Variants in NELL1 observed in about 807,000 individuals in gnomAD.
The protein encoded by NELL1 is protein kinase C-binding protein NELL1.
NELL1 carries 76 observed loss-of-function variants against 107.4 expected under a neutral mutation model. The observed-to-expected ratio is 0.71, with a 90% CI of 0.59 to 0.86. NELL1 has a LOEUF of 0.86. Among genes scored for constraint, NELL1 ranks in the 40% least tolerant of loss-of-function variants. The pLI, the probability that NELL1 is intolerant of heterozygous loss-of-function variation, is 0.00. For synonymous variants in NELL1, 353 were observed against 341.2 expected, an observed-to-expected ratio of 1.03 and a Z score of -0.38; for missense variants, 1,024 against 1,005.5, an observed-to-expected ratio of 1.02 and a Z score of -0.25.
At chr11:20,857,150 A>G (rs796529490) in intron 4 of NELL1, among the ~76,000 whole-genome samples, 3 of 152,294 alleles carry the variant, frequency 2.0e-5, no homozygotes, top group African/African-American at 7.2e-5. Context: ...TTGGCCGTAT[A>G]AGGGAGAGCC....
Position 20,950,230 on chromosome 11 carries a change from C to G in NELL1, c.1171+2795C>G, listed in dbSNP as rs114485358. Among the ~76,000 whole-genome samples the G allele has an allele frequency of 4.2e-3, 632 of 152,278 alleles. 6 individuals are homozygous for G. The highest frequency in any genetic ancestry group is 0.014 in the African/African-American group (587 of 41,562). The stretch of plus-strand genomic sequence containing the variant: ...GCAGAGAGAATCCCAGAACATCCAG[C>G]CCACTTGTCCACATGCTAGGGCCTG... On this transcript the variant is annotated intron_variant, in intron 11 of 19. Coordinates refer to ENST00000357134, the MANE Select transcript of NELL1 (RefSeq NM_006157.5).
rs148500701 is a variant in NELL1, at chr11:20,890,609, C to A, written c.603+5069C>A. Among the ~76,000 whole-genome samples, 396 of 152,080 alleles carry A rather than the reference C, an allele frequency of 2.6e-3. 5 individuals are homozygous for A. The highest frequency in any genetic ancestry group is 9.0e-3 in the African/African-American group (375 of 41,476). ...AACCCAATGCAAGGAAGCTAAGAAC[C>A]TTGATAAGAGGTTAAAGGAATTGCT... On this transcript the variant is annotated intron_variant, in intron 5 of 19. Transcript: ENST00000357134.
Position 21,534,377 on chromosome 11 carries a change from T to C in NELL1, c.1649T>C (p.Ile550Thr). Residue 550 changes from isoleucine to threonine, a missense_variant, in exon 16 of 20, where the codon ATT (isoleucine) becomes ACT (threonine). Coordinates refer to ENST00000357134, the MANE Select transcript of NELL1 (RefSeq NM_006157.5). ...GFTGSHCEKD[I>T]DECSEGIIEC... ...CTTGTGTTTTTCTCTGAGGCAGATA[T>C]TGATGAATGTTCAGAGGGAATCATT... The C allele has an allele frequency of 1.2e-6, 2 of 1,613,746 alleles. No individual in the cohort carries two copies. The highest frequency in any genetic ancestry group is 1.7e-6 in the Non-Finnish European group (2 of 1,179,742).
intron 13 of NELL1, among the ~76,000 whole-genome samples, chr11:21,126,717 C>T (rs1855494113): frequency 6.6e-6 from 1 of 152,168 alleles, no homozygotes; most frequent in South Asian, 2.1e-4. Flanking sequence ...TAACAGGGCA[C>T]CTTAAGATAC....
At chr11:21,120,676 A>G (rs1048937256) in intron 13 of NELL1, among the ~76,000 whole-genome samples, 4 of 152,168 alleles carry the variant, frequency 2.6e-5, no homozygotes, top group African/African-American at 9.7e-5. Context: ...TAGTAAAAAT[A>G]TGCTCTATGA....
At chr11:21,020,262 T>C (rs1852666769) in intron 12 of NELL1, among the ~76,000 whole-genome samples, 1 of 152,150 alleles carries the variant, frequency 6.6e-6, no homozygotes, top group Non-Finnish European at 1.5e-5. Context: ...AACATTATTG[T>C]GTGGTTCTCA....
chr11:21,570,834 C>A lies in NELL1; in HGVS notation c.2051C>A (p.Pro684Gln). 6.2e-7 allele frequency: 1 copy of A among 1,611,978 alleles called. No homozygotes were observed. The part of the protein sequence containing the change: ...QNPSADLFCC[P>Q]ECDTRVTSQC... ...CCAAGTGCTGACCTATTCTGTTGCC[C>A]AGAATGTGACACCAGAGTCACAAGT... is the stretch of plus-strand genomic sequence containing the variant. Residue 684 changes from proline to glutamine, a missense_variant, in exon 18 of 20, where the codon CCA becomes CAA. Physicochemically the swap from Pro to Gln is moderately conservative, Grantham distance 76. Coordinates refer to ENST00000357134, the MANE Select transcript of NELL1 (RefSeq NM_006157.5).
chr11:21,019,995 T>A (rs550188530), intron 12 of NELL1, among the ~76,000 whole-genome samples: 3 of 152,258 alleles, frequency 2.0e-5, no homozygotes, highest in Non-Finnish European at 4.4e-5. Context: ...GCAGCTAGAA[T>A]GTCTACTTTG....
At chr11:20,672,313 TGTC>T (rs1224689597) in intron 1 of NELL1, among the ~76,000 whole-genome samples, 1 of 152,248 alleles carries the variant, frequency 6.6e-6, no homozygotes, top group African/African-American at 2.4e-5. Context: ...GGACAATTGT[TGTC>T]TGGGCTGTTA....
chr11:21,330,505 T>C (rs912690748), intron 14 of NELL1, among the ~76,000 whole-genome samples: 1 of 152,104 alleles, frequency 6.6e-6, no homozygotes, highest in African/African-American at 2.4e-5. Context: ...ATGAGAAATT[T>C]GTTAGTTTTA....
intron 13 of NELL1, among the ~76,000 whole-genome samples, chr11:21,128,486 A>G (rs896444958): frequency 2.6e-5 from 4 of 152,212 alleles, no homozygotes; most frequent in African/African-American, 7.2e-5. Context: ...TCTTCAGATT[A>G]AAGCCATTTG....
At chr11:21,514,221 A>G (rs1855503986) in intron 15 of NELL1, among the ~76,000 whole-genome samples, 1 of 152,234 alleles carries the variant, frequency 6.6e-6, no homozygotes, top group South Asian at 2.1e-4. Context: ...AAATTAACAA[A>G]TAACAATTTA....
At chr11:21,011,385 G>C (rs1852443153) in intron 12 of NELL1, among the ~76,000 whole-genome samples, 1 of 152,140 alleles carries the variant, frequency 6.6e-6, no homozygotes, top group Non-Finnish European at 1.5e-5. Context: ...GAAAGGGGAG[G>C]AAGCAGGATT....
chr11:21,003,349 A>G (rs139203744), intron 12 of NELL1, among the ~76,000 whole-genome samples: 1,863 of 152,312 alleles, frequency 0.012, 19 homozygotes, highest in Middle Eastern at 0.024. Flanking sequence ...GAATCAAGAT[A>G]TACAATGCAA....
At chr11:20,747,863 T>C (rs78262661) in intron 2 of NELL1, among the ~76,000 whole-genome samples, 2 of 152,166 alleles carry the variant, frequency 1.3e-5, no homozygotes, top group African/African-American at 2.4e-5. Flanking sequence ...TGAGCTATAG[T>C]TGGGAACTGC....
At chr11:21,302,299 T>C (rs1416001921) in intron 14 of NELL1, among the ~76,000 whole-genome samples, 2 of 152,016 alleles carry the variant, frequency 1.3e-5, no homozygotes, top group African/African-American at 4.8e-5. Flanking sequence ...ACTACTTGGC[T>C]GAGGTGTCTC....
At chr11:20,924,617 T>C (rs1449171606) in intron 7 of NELL1, among the ~76,000 whole-genome samples, 1 of 152,204 alleles carries the variant, frequency 6.6e-6, no homozygotes, top group African/African-American at 2.4e-5. Context: ...TTGGGCCATT[T>C]AGTCCTTAAG....
chr11:21,008,667 G>A (rs12791452), intron 12 of NELL1, among the ~76,000 whole-genome samples: 19,340 of 151,912 alleles, frequency 0.13, 1,384 homozygotes, highest in South Asian at 0.28. Flanking sequence ...TTAGCTTTTT[G>A]GGAGACCTAT....
At chr11:20,799,572 A>G (rs964436485) in intron 3 of NELL1, among the ~76,000 whole-genome samples, 2 of 152,242 alleles carry the variant, frequency 1.3e-5, no homozygotes, top group African/African-American at 4.8e-5. Flanking sequence ...GATTATAAAT[A>G]ATAATAATAC....
Sources: allele counts gnomAD v4.1 joint callset (sites outside exome capture counted in the v4.1 genomes callset), GRCh38; gene constraint gnomAD v4.1.1; transcripts MANE v1.5; gene names NCBI Gene and HGNC (gene_info 2026-07-23, HGNC 2026-07-21).